CFAP99: variants seen among roughly 807,000 people sequenced by gnomAD.
CFAP99 encodes cilia- and flagella-associated protein 99.
Under a neutral mutation model 82.7 loss-of-function variants are expected in CFAP99, and 84 were observed. The ratio of observed to expected loss-of-function variants is 1.02; its 90% CI spans 0.85 to 1.22. CFAP99 has a LOEUF of 1.22. CFAP99 is among the 50% of genes most tolerant of loss of function. CFAP99 has a pLI of 0.00. For missense variants in CFAP99, 1,059 were observed against 983.5 expected (o/e 1.08, Z -1.03); for synonymous variants, 456 against 429.5 (o/e 1.06, Z -0.76).
intron 5 of CFAP99, among the ~76,000 whole-genome samples, chr4:2,444,128 C>T (rs140711580): frequency 4.7e-4 from 71 of 152,276 alleles, no homozygotes; most frequent in South Asian, 6.2e-4. Flanking sequence ...CAGTCCCACC[C>T]AGTCCACTCC....
At chr4:2,425,605 T>TA (rs1185816130) in intron 1 of CFAP99, among the ~76,000 whole-genome samples, 6 of 151,774 alleles carry the variant, frequency 4.0e-5, no homozygotes, top group African/African-American at 1.5e-4. Flanking sequence ...AAGAGGAGGG[T>TA]GAGAAGGGCC....
At chr4:2,457,205 C>T (rs1333675353) in intron 11 of CFAP99, among the ~76,000 whole-genome samples, 2 of 152,096 alleles carry the variant, frequency 1.3e-5, no homozygotes, top group African/African-American at 2.4e-5. Context: ...AGCTTCCCCA[C>T]GCGCTGGGAT....
chr4:2,460,379 CT>C, intron 14 of CFAP99, 137 bp downstream of exon 14: 1 of 735,652 alleles, frequency 1.4e-6, no homozygotes, highest in Non-Finnish European at 2.3e-6. Context: ...CGTAACTCCC[CT>C]GACCCCTATT....
intron 11 of CFAP99, 104 bp downstream of exon 11, chr4:2,452,450 G>A (rs926583201): frequency 2.2e-5 from 27 of 1,215,338 alleles, no homozygotes; most frequent in South Asian, 1.4e-4. Flanking sequence ...TGTCCACAGC[G>A]CCCCCGTAGA....
At chr4:2,419,219 C>T (rs1162682214) in intron 1 of CFAP99, 126 bp downstream of exon 1, 2 of 152,180 alleles carry the variant, frequency 1.3e-5, no homozygotes, top group East Asian at 1.9e-4. Flanking sequence ...CCCAGCTCCC[C>T]GATGAAAGTG....
rs943767500 is a variant in CFAP99, at chr4:2,462,305, G to C, written c.1662-138G>C. The stretch of plus-strand genomic sequence containing the variant: ...CGCGCCGCGGCCCCTGGGCCTCGCT[G>C]TCTGTCCTAAATCATTCCGGTGAAC... On this transcript the variant is annotated intron_variant, in intron 14 of 14. Coordinates refer to ENST00000635017, the Ensembl canonical transcript of CFAP99. This position sits in a 1 kb window ranked among gnomAD's most constrained non-coding sequence, Gnocchi z 4.1. 1.8e-4 allele frequency: 153 copies of C among 848,862 alleles called. No homozygotes were observed. The highest frequency in any genetic ancestry group is 1.5e-3 in the Middle Eastern group (4 of 2,626). 52.6% of individuals were successfully genotyped at this position (848,862 alleles called of 1,614,324 possible). A position where few individuals can be genotyped will look rare whatever the true frequency, so the allele number is the denominator to read the frequency against.
At position 2,443,113 on chromosome 4, in the gene CFAP99, G is replaced by A. The variant is rs1408983659; in HGVS notation, c.352-17G>A. 1.4e-6 allele frequency: 2 copies of A among 1,420,554 alleles called. No homozygotes were observed. Among genetic ancestry groups the A allele is most frequent in the Non-Finnish European group, 1.9e-6 (2 of 1,042,156 alleles). The allele number at this position is 1,420,554 out of a possible 1,614,324, so 88.0% of individuals were successfully genotyped here. A position where few individuals can be genotyped will look rare whatever the true frequency, so the allele number is the denominator to read the frequency against. On this transcript the variant is annotated splice_polypyrimidine_tract_variant and intron_variant, in intron 4 of 14. Coordinates refer to ENST00000635017, the Ensembl canonical transcript of CFAP99. ...GGCCCAGGGCTCCGGCCCCCTGACA[G>A]CCCCCGTCCACCCCAGTTCCTCAGG...
chr4:2,454,581 C>CTTTTTTTTTTTGTTTTTT lies in CFAP99; in HGVS notation c.1161+2246_1161+2247insGTTTTTTTTTTTTTTTTT, dbSNP rs1734378524. Among the ~76,000 whole-genome samples, 10 of 94,720 alleles carry CTTTTTTTTTTTGTTTTTT rather than the reference C, an allele frequency of 1.1e-4. No individual in the cohort carries two copies. In the South Asian group the frequency reaches 1.1e-3, roughly 10 times the overall value. 62.1% of individuals were successfully genotyped at this position (94,720 alleles called of 152,430 possible). A position where few individuals can be genotyped will look rare whatever the true frequency, so the allele number is the denominator to read the frequency against. ...TTTTTCTTTTTTTGTTGTTTTTTTT[C>CTTTTTTTTTTTGTTTTTT]TTTTTTTTTTTTGTTTTTTTTTTTT... On this transcript the variant is annotated intron_variant, in intron 11 of 14. Coordinates refer to ENST00000635017, the Ensembl canonical transcript of CFAP99.
At chr4:2,437,162 C>A (rs1164275302) in intron 3 of CFAP99, 144 bp downstream of exon 3, 6 of 1,004,462 alleles carry the variant, frequency 6.0e-6, no homozygotes, top group Admixed American at 4.9e-5. Context: ...CGGCTCCTCA[C>A]CTCACTTGGT....
At position 2,440,600 on chromosome 4, in the gene CFAP99, T is replaced by G. The variant is rs1039769497; in HGVS notation, c.351+2436T>G. Among the ~76,000 whole-genome samples the G allele has an allele frequency of 2.0e-5, 3 of 151,226 alleles. 1 individual carries two copies. Among genetic ancestry groups the G allele is most frequent in the Non-Finnish European group, 4.4e-5 (3 of 67,740 alleles). ...AACCCCATCTCTACAAAAAAATATTTTTTTTCTTTTGAGGTGGAGTCTCAC... is the reference window on the plus strand; with the variant it reads ...AACCCCATCTCTACAAAAAAATATTGTTTTTCTTTTGAGGTGGAGTCTCAC... On this transcript the variant is annotated intron_variant, in intron 4 of 14. Coordinates refer to ENST00000635017, the Ensembl canonical transcript of CFAP99.
chr4:2,438,170 C>A lies in CFAP99; in HGVS notation c.351+6C>A, dbSNP rs1486482446. On this transcript the variant is annotated splice_donor_region_variant and intron_variant, in intron 4 of 14. Coordinates refer to ENST00000635017, the Ensembl canonical transcript of CFAP99. ...CCGTGGATAAGATGTGCAAGGTGAG[C>A]CACCCCTACCTGCCCACCAGGCCAC... 2 of 1,518,016 alleles carry A rather than the reference C, an allele frequency of 1.3e-6. No individual in the cohort carries two copies. The highest frequency in any genetic ancestry group is 1.4e-5 in the African/African-American group (1 of 72,622). The allele number at this position is 1,518,016 out of a possible 1,614,324, so 94.0% of individuals were successfully genotyped here.
At chr4:2,431,549 G>GAC (rs2108714564) in intron 2 of CFAP99, among the ~76,000 whole-genome samples, 1 of 152,220 alleles carries the variant, frequency 6.6e-6, no homozygotes, top group South Asian at 2.1e-4. Flanking sequence ...AGTCCAAGAA[G>GAC]ACACATGTTC....
intron 1 of CFAP99, among the ~76,000 whole-genome samples, chr4:2,422,544 G>C (rs565345613): frequency 2.0e-5 from 3 of 152,170 alleles, no homozygotes; most frequent in Non-Finnish European, 4.4e-5. Context: ...TCCAGGACAG[G>C]GGGAGACGGC....
At chr4:2,426,629 C>A in intron 2 of CFAP99, 43 bp downstream of exon 2, 1 of 1,261,530 alleles carries the variant, frequency 7.9e-7, no homozygotes, top group East Asian at 2.5e-5. Context: ...GCCAATGGCA[C>A]CTGTTGTGCA....
intron 11 of CFAP99, among the ~76,000 whole-genome samples, chr4:2,454,283 G>A (rs1734371119): frequency 6.6e-6 from 1 of 152,072 alleles, no homozygotes; most frequent in Admixed American, 6.5e-5. Context: ...TTACAGGCAT[G>A]AGCCACCGTG....
rs936340179 is a variant in CFAP99 at position 2,462,544 on chromosome 4, G to C, written c.1763G>C (p.Arg588Pro). 6.8e-6 allele frequency: 10 copies of C among 1,466,578 alleles called. No individual in the cohort carries two copies. Among genetic ancestry groups the C allele is most frequent in the Non-Finnish European group, 9.0e-6 (10 of 1,116,392 alleles). The allele number at this position is 1,466,578 out of a possible 1,614,324, so 90.8% of individuals were successfully genotyped here. A position where few individuals can be genotyped will look rare whatever the true frequency, so the allele number is the denominator to read the frequency against. ...AGGATCTCGGAGAGGGCGGCCGAGCGCAGCAGGCAGGCGGCCTTGCTGCAC... is the reference window on the plus strand; with the variant it reads ...AGGATCTCGGAGAGGGCGGCCGAGCCCAGCAGGCAGGCGGCCTTGCTGCAC... Residue 588 changes from arginine to proline, a missense_variant, in exon 15 of 15, where the codon CGC becomes CCC. Transcript: ENST00000635017. The surrounding 1 kb of genome is among the most constrained non-coding windows in gnomAD (Gnocchi z 4.1).
intron 2 of CFAP99, among the ~76,000 whole-genome samples, chr4:2,429,589 CTTTCT>C (rs2108712489): frequency 9.8e-6 from 1 of 102,468 alleles, no homozygotes; most frequent in African/African-American, 4.4e-5. Flanking sequence ...TCTTTTCTTT[CTTTCT>C]TTTTTTTTTT....
In CFAP99 at chr4:2,426,456, T is replaced by C. The variant is rs1402131002; in HGVS notation, c.-17-3T>C. ...GGGCGTGACCTGCACGGTTTGTTCTTAGGCTTCTGCCCTAAGAAGATGGCC... is the reference window on the plus strand; with the variant it reads ...GGGCGTGACCTGCACGGTTTGTTCTCAGGCTTCTGCCCTAAGAAGATGGCC... On this transcript the variant is annotated splice_polypyrimidine_tract_variant and splice_region_variant and intron_variant, in intron 1 of 14. Coordinates refer to ENST00000635017, the Ensembl canonical transcript of CFAP99. 1 of 1,524,928 alleles carries C rather than the reference T, an allele frequency of 6.6e-7. No homozygotes were observed. Among genetic ancestry groups the C allele is most frequent in the Admixed American group, 2.0e-5 (1 of 50,960 alleles). The allele number at this position is 1,524,928 out of a possible 1,614,324, so 94.5% of individuals were successfully genotyped here. A position where few individuals can be genotyped will look rare whatever the true frequency, so the allele number is the denominator to read the frequency against.
chr4:2,426,500 G>A, exon 2 of CFAP99: 1 of 1,536,000 alleles, frequency 6.5e-7, no homozygotes, highest in East Asian at 2.4e-5. Context: ...AAAATGCATT[G>A]AAACTGTGAT....
Sources: allele counts gnomAD v4.1 joint callset (sites outside exome capture counted in the v4.1 genomes callset), GRCh38; gene constraint gnomAD v4.1.1; non-coding constraint Gnocchi (gnomAD v3.1); transcripts MANE v1.5; gene names NCBI Gene and HGNC (gene_info 2026-07-23, HGNC 2026-07-21).